The following VAT1L variants were observed in gnomAD, a reference collection of about 807,000 sequenced individuals.
The protein encoded by VAT1L is putative NADPH-dependent quinone oxidoreductase VAT1L.
VAT1L carries 34 observed loss-of-function variants against 44.1 expected under a neutral mutation model. The observed-to-expected ratio is 0.77, with a 90% CI of 0.59 to 1.03. The LOEUF is 1.03. Ranked by LOEUF, VAT1L falls within the 50% of genes least tolerant of loss-of-function variation. The pLI is 0.00. For missense variants in VAT1L, 615 were observed against 538.8 expected (o/e 1.14, Z -1.40); for synonymous variants, 253 against 202.2 (o/e 1.25, Z -2.13).
chr16:77,848,639 T>C (rs186835402), intron 3 of VAT1L, among the ~76,000 whole-genome samples: 106 of 152,284 alleles, frequency 7.0e-4, no homozygotes, highest in Non-Finnish European at 1.2e-3. Flanking sequence ...AAGTTCTGAA[T>C]GCTTATGTGA....
chr16:77,842,514 T>C (rs1293758410), intron 3 of VAT1L, among the ~76,000 whole-genome samples: 2 of 152,102 alleles, frequency 1.3e-5, no homozygotes, highest in Non-Finnish European at 2.9e-5. Context: ...AGTGGGGGAA[T>C]GATAGGTTAG....
At chr16:77,807,480 C>A (rs1195813280) in intron 1 of VAT1L, among the ~76,000 whole-genome samples, 1 of 152,170 alleles carries the variant, frequency 6.6e-6, no homozygotes, top group Admixed American at 6.5e-5. Flanking sequence ...TGGAACTTTG[C>A]AAGGATGAAC....
chr16:77,860,998 G>A (rs886872032), intron 3 of VAT1L, among the ~76,000 whole-genome samples: 5 of 152,144 alleles, frequency 3.3e-5, no homozygotes, highest in African/African-American at 7.2e-5. Flanking sequence ...TGAAAAAGTG[G>A]GTAACCTTAA....
chr16:77,965,654 C>A (rs2018215238), intron 7 of VAT1L, among the ~76,000 whole-genome samples: 2 of 152,272 alleles, frequency 1.3e-5, no homozygotes, highest in South Asian at 2.1e-4. Context: ...GGGTGTGGGA[C>A]CATGGTCCTG....
In VAT1L at chr16:77,977,823, G is replaced by C; in HGVS notation, c.*128G>C. On this transcript the variant is annotated 3_prime_UTR_variant, in exon 9 of 9. Transcript: ENST00000302536. ...GTGTCGTGTTTGTCTGCAGTCAGCT[G>C]AGCTAAAAAGCTGTTGATCACTGTT... 1 of 900,326 alleles carries C rather than the reference G, an allele frequency of 1.1e-6. No homozygotes were observed. The highest frequency in any genetic ancestry group is 1.7e-6 in the Non-Finnish European group (1 of 582,032). The allele number at this position is 900,326 out of a possible 1,614,324, so 55.8% of individuals were successfully genotyped here.
chr16:77,899,051 A>T (rs2017353600), intron 7 of VAT1L, among the ~76,000 whole-genome samples: 1 of 152,248 alleles, frequency 6.6e-6, no homozygotes. Flanking sequence ...TCATGGCTAC[A>T]GTGTGATATC....
intron 1 of VAT1L, among the ~76,000 whole-genome samples, chr16:77,792,713 A>G (rs965133489): frequency 6.6e-6 from 1 of 152,184 alleles, no homozygotes; most frequent in Non-Finnish European, 1.5e-5. Flanking sequence ...GCACCTGCCC[A>G]TAGACAGGAT....
intron 7 of VAT1L, among the ~76,000 whole-genome samples, chr16:77,970,254 C>G (rs1049730015): frequency 6.6e-6 from 1 of 151,968 alleles, no homozygotes; most frequent in East Asian, 1.9e-4. Flanking sequence ...TGTGTTGATT[C>G]CGATCACTGC....
At chr16:77,834,714 T>G (rs1298562059) in intron 3 of VAT1L, among the ~76,000 whole-genome samples, 1 of 152,204 alleles carries the variant, frequency 6.6e-6, no homozygotes, top group Non-Finnish European at 1.5e-5. Context: ...CTTAAATCAC[T>G]AAGATTCCAG....
chr16:77,923,737 T>G (rs1344822396), intron 7 of VAT1L, among the ~76,000 whole-genome samples: 1 of 152,132 alleles, frequency 6.6e-6, no homozygotes, highest in Non-Finnish European at 1.5e-5. Context: ...GTACCCAGGG[T>G]GGCTTCACAC....
In VAT1L at chr16:77,965,862, G is replaced by A. The variant is rs535616101; in HGVS notation, c.1078-5988G>A. Among the ~76,000 whole-genome samples the A allele has an allele frequency of 4.5e-4, 69 of 152,286 alleles. 1 individual carries two copies. The highest frequency in any genetic ancestry group is 3.4e-3 in the Middle Eastern group (1 of 294). On this transcript the variant is annotated intron_variant, in intron 7 of 8. Coordinates refer to ENST00000302536, the MANE Select transcript of VAT1L (RefSeq NM_020927.3). ...TCATCCCAGAAGCTATTGTGTGACA[G>A]ATGTCCTTTTGCACTATGGACTCTG... is the stretch of plus-strand genomic sequence containing the variant.
chr16:77,928,148 C>T (rs557350685), intron 7 of VAT1L, among the ~76,000 whole-genome samples: 1 of 152,136 alleles, frequency 6.6e-6, no homozygotes, highest in African/African-American at 2.4e-5. Flanking sequence ...CAATCAAAGA[C>T]CCCAGAGCTG....
At chr16:77,924,034 G>A (rs2017640391) in intron 7 of VAT1L, among the ~76,000 whole-genome samples, 1 of 151,626 alleles carries the variant, frequency 6.6e-6, no homozygotes, top group Non-Finnish European at 1.5e-5. Flanking sequence ...CATCCCCACT[G>A]GTTCTTACCA....
chr16:77,852,447 T>C (rs1464105952), intron 3 of VAT1L, among the ~76,000 whole-genome samples: 1 of 152,174 alleles, frequency 6.6e-6, no homozygotes, highest in African/African-American at 2.4e-5. Flanking sequence ...GTGGGAGTCA[T>C]TGTTGCCAGA....
At chr16:77,888,578 G>A (rs568746536) in intron 7 of VAT1L, among the ~76,000 whole-genome samples, 1 of 152,156 alleles carries the variant, frequency 6.6e-6, no homozygotes, top group Non-Finnish European at 1.5e-5. Flanking sequence ...TAAAAGACAG[G>A]GTTTCTCAGC....
At chr16:77,938,817 G>A (rs2017837572) in intron 7 of VAT1L, among the ~76,000 whole-genome samples, 1 of 152,152 alleles carries the variant, frequency 6.6e-6, no homozygotes, top group Non-Finnish European at 1.5e-5. Context: ...AAAAATAGGT[G>A]AGTGAGGAAA....
rs377554393 is a variant in VAT1L, at chr16:77,788,697, C to G, written c.15C>G (p.Gly5=). 6.4e-7 allele frequency: 1 copy of G among 1,551,500 alleles called. No homozygotes were observed. Among genetic ancestry groups the G allele is most frequent in the African/African-American group, 1.4e-5 (1 of 73,410 alleles). Residue 5 remains glycine, a synonymous_variant, in exon 1 of 9, where the codon GGC becomes GGG. Transcript: ENST00000302536. ...CCTCGAGCGCCATGGCCAAGGAAGG[C>G]GTGGAGAAGGCGGAGGAGACGGAGC... is the stretch of plus-strand genomic sequence containing the variant. MAKE[G]VEKAEETEQM... is the part of the protein sequence containing the mutation.
Position 77,795,288 on chromosome 16 carries a change from GGA to G in VAT1L, c.233+6374_233+6375del, listed in dbSNP as rs200782711. Among the ~76,000 whole-genome samples the G allele has an allele frequency of 2.8e-3, 401 of 144,822 alleles. 5 individuals are homozygous for G. The highest frequency in any genetic ancestry group is 6.0e-3 in the African/African-American group (242 of 40,060). On this transcript the variant is annotated intron_variant, in intron 1 of 8. Coordinates refer to ENST00000302536, the MANE Select transcript of VAT1L (RefSeq NM_020927.3). ...GGTAGAATTTACAGTGGGGGCGGGGGGAAAGATTGAGAAATTAAGATTTGTTT... is the reference window on the plus strand; with the variant it reads ...GGTAGAATTTACAGTGGGGGCGGGGGAAGATTGAGAAATTAAGATTTGTTT...
At chr16:77,789,015 G>C in intron 1 of VAT1L, 100 bp downstream of exon 1, 1 of 1,341,308 alleles carries the variant, frequency 7.5e-7, no homozygotes, top group Non-Finnish European at 9.8e-7. Context: ...GGGTAGAACC[G>C]CCGCGCGCAC....
Sources: allele counts gnomAD v4.1 joint callset (sites outside exome capture counted in the v4.1 genomes callset), GRCh38; gene constraint gnomAD v4.1.1; transcripts MANE v1.5; gene names NCBI Gene and HGNC (gene_info 2026-07-23, HGNC 2026-07-21).